GHRL: variants seen among roughly 807,000 people sequenced by gnomAD.
GHRL encodes the protein ghrelin and obestatin prepropeptide, also known as appetite-regulating hormone.
GHRL carries 24 observed loss-of-function variants against 16.9 expected under a neutral mutation model. The observed-to-expected ratio is 1.42, with a 90% CI of 1.03 to 2.00. GHRL has a LOEUF of 2.00. GHRL is among the 30% of genes most tolerant of loss of function. The pLI is 0.00. For missense variants in GHRL, 193 were observed against 142.1 expected (o/e 1.36, Z -1.82); for synonymous variants, 63 against 58.2 (o/e 1.08, Z -0.37).
chr3:10,287,043 C>G (rs980597528), intron 4 of GHRL: 1 of 434,688 alleles, frequency 2.3e-6, no homozygotes, highest in African/African-American at 2.0e-5. Context: ...ACTCTCATGC[C>G]TCTCAGCCTT....
Position 10,291,092 on chromosome 3 carries a change from G to A in GHRL, c.-406C>T, listed in dbSNP as rs1330571879. The A allele has an allele frequency of 1.0e-6, 1 of 985,550 alleles. No homozygotes were observed. The highest frequency in any genetic ancestry group is 1.2e-6 in the Non-Finnish European group (1 of 830,118). 61.1% of individuals were successfully genotyped at this position (985,550 alleles called of 1,614,324 possible). On this transcript the variant is annotated 5_prime_UTR_variant, in exon 2 of 6. Coordinates refer to ENST00000335542, the MANE Select transcript of GHRL (RefSeq NM_016362.5). ...GCCCTTTCTCCCTGGGTAAAATGAGGCTGTCATCACTAGGAGAGCTCTGAG... is the reference window on the plus strand; with the variant it reads ...GCCCTTTCTCCCTGGGTAAAATGAGACTGTCATCACTAGGAGAGCTCTGAG...
chr3:10,290,094 G>T lies in GHRL; in HGVS notation c.87C>A (p.Ser29Arg). 6.2e-7 allele frequency: 1 copy of T among 1,612,652 alleles called. No individual in the cohort carries two copies. Among genetic ancestry groups the T allele is most frequent in the South Asian group, 1.1e-5 (1 of 90,740 alleles). ...DLAMAGSSFL[S>R]PEHQRVQQRK... ...TCACCTGGACTCTCTGGTGTTCAGG[G>T]CTCAGGAAGCTGGAGCCTGCCATGG... The change falls in exon 3 of 6, where the codon AGC (serine) becomes AGA (arginine). Residue 29 changes from serine to arginine, a missense_variant. Coordinates refer to ENST00000335542, the MANE Select transcript of GHRL (RefSeq NM_016362.5).
intron 5 of GHRL, among the ~76,000 whole-genome samples, chr3:10,286,217 C>CT (rs961538355): frequency 4.6e-5 from 7 of 152,126 alleles, no homozygotes; most frequent in African/African-American, 9.6e-5. Context: ...TGGGCGGTTT[C>CT]TTTTTTTTCT....
chr3:10,291,411 A>G lies in GHRL; in HGVS notation c.-725T>C, dbSNP rs570375479. ...CCTCCCTCCAGCAGCTTTGGTCCCTATTTTAGCGGATGCCTCTTCTGAGAG... is the reference window on the plus strand; with the variant it reads ...CCTCCCTCCAGCAGCTTTGGTCCCTGTTTTAGCGGATGCCTCTTCTGAGAG... On this transcript the variant is annotated 5_prime_UTR_variant, in exon 2 of 6. Coordinates refer to ENST00000335542, the MANE Select transcript of GHRL (RefSeq NM_016362.5). 21 of 985,446 alleles carry G rather than the reference A, an allele frequency of 2.1e-5. No individual in the cohort carries two copies. In the South Asian group the frequency reaches 6.1e-4, roughly 29 times the overall value. The allele number at this position is 985,446 out of a possible 1,614,324, so 61.0% of individuals were successfully genotyped here. A position where few individuals can be genotyped will look rare whatever the true frequency, so the allele number is the denominator to read the frequency against.
chr3:10,290,958 C>A lies in GHRL; in HGVS notation c.-272G>T, dbSNP rs1699914867. On this transcript the variant is annotated 5_prime_UTR_variant, in exon 2 of 6. Coordinates refer to ENST00000335542, the MANE Select transcript of GHRL (RefSeq NM_016362.5). ...GCATGTGCTCCAGCTGTCCCTGGAA[C>A]ACGGTGGCGGGGTGCCCCAAGTGGG... 3 of 985,712 alleles carry A rather than the reference C, an allele frequency of 3.0e-6. No homozygotes were observed. The highest frequency in any genetic ancestry group is 6.1e-5 in the Admixed American group (1 of 16,274). The allele number at this position is 985,712 out of a possible 1,614,324, so 61.1% of individuals were successfully genotyped here. A position where few individuals can be genotyped will look rare whatever the true frequency, so the allele number is the denominator to read the frequency against.
At position 10,288,709 on chromosome 3, in the gene GHRL, C is replaced by T. The variant is rs572737562; in HGVS notation, c.225+1053G>A. Among the ~76,000 whole-genome samples the T allele has an allele frequency of 7.2e-5, 11 of 152,302 alleles. No individual in the cohort carries two copies. The South Asian group carries it at 1.4e-3, about 20-fold the overall frequency. On this transcript the variant is annotated intron_variant, in intron 4 of 5. Transcript: ENST00000335542. ...GGGAGCTTCCGACGGCTTTATTCCT[C>T]GACTGGAGAAGAGTATGGTAAACAG...
At chr3:10,289,492 G>A (rs1392853433) in intron 4 of GHRL, among the ~76,000 whole-genome samples, 1 of 152,200 alleles carries the variant, frequency 6.6e-6, no homozygotes, top group South Asian at 2.1e-4. Flanking sequence ...CCTTTGAGTC[G>A]CCTGGAGGCT....
At chr3:10,290,618 G>C (rs1201506674) in intron 2 of GHRL, 98 bp downstream of exon 2, 1 of 452,652 alleles carries the variant, frequency 2.2e-6, no homozygotes, top group Non-Finnish European at 3.1e-6. Context: ...CCCGTGTTTA[G>C]AGGGGACTCC....
At position 10,291,196 on chromosome 3, in the gene GHRL, G is replaced by T; in HGVS notation, c.-510C>A. 2.0e-6 allele frequency: 2 copies of T among 985,674 alleles called. No homozygotes were observed. The highest frequency in any genetic ancestry group is 1.2e-6 in the Non-Finnish European group (1 of 830,110). The allele number at this position is 985,674 out of a possible 1,614,324, so 61.1% of individuals were successfully genotyped here. A position where few individuals can be genotyped will look rare whatever the true frequency, so the allele number is the denominator to read the frequency against. On this transcript the variant is annotated 5_prime_UTR_variant, in exon 2 of 6. Coordinates refer to ENST00000335542, the MANE Select transcript of GHRL (RefSeq NM_016362.5). ...TCTGTGAGCCCCGGGAGTCCGCAGG[G>T]AGCCAGGCTGGTGATTCTACACCTT...
chr3:10,290,294 T>A, intron 2 of GHRL, 85 bp from the exon 3 acceptor site: 1 of 1,351,590 alleles, frequency 7.4e-7, no homozygotes, highest in Non-Finnish European at 1.0e-6. Flanking sequence ...GCAGATGGCG[T>A]GAAGGGCTTT....
At chr3:10,290,500 A>AG in intron 2 of GHRL, 2 of 344,240 alleles carry the variant, frequency 5.8e-6, no homozygotes, top group South Asian at 8.9e-5. Flanking sequence ...TCTTTTCATG[A>AG]GGAGGGAGGA....
chr3:10,290,147 G>A lies in GHRL; in HGVS notation c.34C>T (p.Leu12Phe). 1 of 1,612,930 alleles carries A rather than the reference G, an allele frequency of 6.2e-7. No individual in the cohort carries two copies. The highest frequency in any genetic ancestry group is 2.2e-5 in the East Asian group (1 of 44,854). The change falls in exon 3 of 6, where the codon CTC (leucine) becomes TTC (phenylalanine). Residue 12 changes from leucine (L) to phenylalanine (F), a missense_variant. Transcript: ENST00000335542. ...AAGTCCAGCCAGAGCATGCCGAGGAGCAGGAGGCTGCAGACGGTCCCTGGG... is the reference window on the plus strand; with the variant it reads ...AAGTCCAGCCAGAGCATGCCGAGGAACAGGAGGCTGCAGACGGTCCCTGGG... ...PSPGTVCSLL[L>F]LGMLWLDLAM...
At position 10,290,856 on chromosome 3, in the gene GHRL, A is replaced by C; in HGVS notation, c.-170T>G. 1.0e-6 allele frequency: 1 copy of C among 985,856 alleles called. No individual in the cohort carries two copies. Among genetic ancestry groups the C allele is most frequent in the African/African-American group, 1.7e-5 (1 of 57,350 alleles). 61.1% of individuals were successfully genotyped at this position (985,856 alleles called of 1,614,324 possible). A position where few individuals can be genotyped will look rare whatever the true frequency, so the allele number is the denominator to read the frequency against. On this transcript the variant is annotated 5_prime_UTR_variant, in exon 2 of 6. Coordinates refer to ENST00000335542, the MANE Select transcript of GHRL (RefSeq NM_016362.5). ...GATGTACATTCCTTGGGAACTAAAAATGTTCTTGTCCTCTGGGTAGAAGTC... is the reference window on the plus strand; with the variant it reads ...GATGTACATTCCTTGGGAACTAAAACTGTTCTTGTCCTCTGGGTAGAAGTC...
rs770322294 is a variant in GHRL, at chr3:10,290,214, G to T, written c.-29-5C>A. The stretch of plus-strand genomic sequence containing the variant: ...CTGGGTTGCAGACAGGTGGGCCTGG[G>T]GGAGAGAGGGTCTCCAGGCAGCTGC... On this transcript the variant is annotated splice_polypyrimidine_tract_variant and splice_region_variant and intron_variant, in intron 2 of 5. Transcript: ENST00000335542. 1 of 1,589,922 alleles carries T rather than the reference G, an allele frequency of 6.3e-7. No homozygotes were observed. Among genetic ancestry groups the T allele is most frequent in the Non-Finnish European group, 8.5e-7 (1 of 1,169,786 alleles).
intron 3 of GHRL, 80 bp downstream of exon 3, chr3:10,289,993 C>A: frequency 6.5e-7 from 1 of 1,548,012 alleles, no homozygotes; most frequent in Non-Finnish European, 8.9e-7. Context: ...CCAGAGATGG[C>A]GCTGCTGCTC....
Position 10,290,103 on chromosome 3 carries a change from G to C in GHRL, c.78C>G (p.Ser26Arg). 1 of 1,612,972 alleles carries C rather than the reference G, an allele frequency of 6.2e-7. No individual in the cohort carries two copies. Among genetic ancestry groups the C allele is most frequent in the Non-Finnish European group, 8.5e-7 (1 of 1,179,774 alleles). The change falls in exon 3 of 6, where the codon AGC (serine) becomes AGG (arginine). Residue 26 changes from serine to arginine, a missense_variant. Physicochemically the swap from Ser to Arg is moderately radical, Grantham distance 110 (BLOSUM62 -1). Coordinates refer to ENST00000335542, the MANE Select transcript of GHRL (RefSeq NM_016362.5). ...CTCTCTGGTGTTCAGGGCTCAGGAAGCTGGAGCCTGCCATGGCCAAGTCCA... is the reference window on the plus strand; with the variant it reads ...CTCTCTGGTGTTCAGGGCTCAGGAACCTGGAGCCTGCCATGGCCAAGTCCA... Reference protein sequence around the residue: ...LWLDLAMAGSSFLSPEHQRVQ... With the variant: ...LWLDLAMAGSRFLSPEHQRVQ...
intron 4 of GHRL, chr3:10,288,236 C>T (rs1290162434): frequency 1.3e-5 from 2 of 151,566 alleles, no homozygotes; most frequent in South Asian, 2.1e-4. Context: ...GGGAGGGAAA[C>T]GTTTGGGGGG....
chr3:10,290,315 G>GA, intron 2 of GHRL, 106 bp from the exon 3 acceptor site: 1 of 1,105,570 alleles, frequency 9.0e-7, no homozygotes, highest in Non-Finnish European at 1.3e-6. Flanking sequence ...ACCATCTGGG[G>GA]TCCTGACTGC....
chr3:10,290,325 C>G (rs575291178), intron 2 of GHRL, 116 bp from the exon 3 acceptor site: 1 of 998,810 alleles, frequency 1.0e-6, no homozygotes, highest in Non-Finnish European at 1.5e-6. Context: ...GTCCTGACTG[C>G]TGTGTAGAGA....
Sources: gnomAD v4.1 joint callset for allele counts (sites outside exome capture counted in the v4.1 genomes callset) on GRCh38, gnomAD v4.1.1 for gene constraint, MANE v1.5 for transcripts, NCBI Gene and HGNC (gene_info 2026-07-23, HGNC 2026-07-21) for gene names.